The following PLA2G4A variants were observed in gnomAD, a reference collection of about 807,000 sequenced individuals.
PLA2G4A encodes phospholipase A2 group IVA.
PLA2G4A carries 40 observed loss-of-function variants against 81.9 expected under a neutral mutation model. That is an observed-to-expected ratio of 0.49 (90% CI 0.38 to 0.64). PLA2G4A has a LOEUF of 0.64. Ranked by LOEUF, PLA2G4A falls within the 30% of genes least tolerant of loss-of-function variation. The pLI is 0.00. For missense variants in PLA2G4A, 715 were observed against 905.1 expected, an observed-to-expected ratio of 0.79 and a Z score of 2.69; for synonymous variants, 302 against 296.9, an observed-to-expected ratio of 1.02 and a Z score of -0.18.
intron 7 of PLA2G4A, among the ~76,000 whole-genome samples, chr1:186,928,079 A>T (rs1002048334): frequency 1.1e-4 from 16 of 152,046 alleles, no homozygotes; most frequent in Non-Finnish European, 4.4e-5. Context: ...GTGGAGCTGA[A>T]TTTTTCTTAT....
intron 13 of PLA2G4A, among the ~76,000 whole-genome samples, chr1:186,953,731 T>C (rs1380935518): frequency 2.0e-5 from 3 of 152,192 alleles, no homozygotes; most frequent in Admixed American, 1.3e-4. Flanking sequence ...TTATGATTAA[T>C]AAGCAATAAG....
At chr1:186,969,256 T>G (rs2102282379) in intron 15 of PLA2G4A, among the ~76,000 whole-genome samples, 1 of 93,520 alleles carries the variant, frequency 1.1e-5, no homozygotes, top group East Asian at 3.2e-4. Flanking sequence ...CATATCAGTT[T>G]TTTAAATTTT....
At chr1:186,898,866 A>C (rs912190421) in intron 5 of PLA2G4A, among the ~76,000 whole-genome samples, 3 of 152,210 alleles carry the variant, frequency 2.0e-5, no homozygotes, top group Non-Finnish European at 4.4e-5. Flanking sequence ...TGGACAGTGC[A>C]GGCAATGTGT....
intron 17 of PLA2G4A, among the ~76,000 whole-genome samples, chr1:186,985,152 GT>G (rs1317615775): frequency 1.3e-5 from 2 of 152,078 alleles, no homozygotes; most frequent in Non-Finnish European, 2.9e-5. Context: ...CCCATCCTCA[GT>G]CTTTTCATAT....
At chr1:186,887,545 G>A (rs1653978678) in intron 3 of PLA2G4A, among the ~76,000 whole-genome samples, 1 of 152,072 alleles carries the variant, frequency 6.6e-6, no homozygotes, top group Admixed American at 6.6e-5. Flanking sequence ...TCAAGATTTA[G>A]ATAAAAGGAT....
chr1:186,857,157 A>ATTATT (rs1652599993), intron 2 of PLA2G4A, among the ~76,000 whole-genome samples: 1 of 57,680 alleles, frequency 1.7e-5, no homozygotes, highest in African/African-American at 8.5e-5. Flanking sequence ...ATAATTACAT[A>ATTATT]ATATAATATA....
At chr1:186,957,050 G>C (rs540658338) in intron 14 of PLA2G4A, among the ~76,000 whole-genome samples, 1 of 152,048 alleles carries the variant, frequency 6.6e-6, no homozygotes, top group East Asian at 1.9e-4. Context: ...TACTCAGGAG[G>C]CTGAAGCACA....
At chr1:186,840,528 C>A (rs1452667682) in intron 1 of PLA2G4A, among the ~76,000 whole-genome samples, 1 of 152,208 alleles carries the variant, frequency 6.6e-6, no homozygotes, top group African/African-American at 2.4e-5. Context: ...AGGTGTACAC[C>A]CTTCTGTGCT....
intron 3 of PLA2G4A, among the ~76,000 whole-genome samples, chr1:186,874,539 T>A (rs1365055594): frequency 2.0e-5 from 3 of 152,098 alleles, no homozygotes; most frequent in Non-Finnish European, 4.4e-5. Context: ...GTTTTAGAAC[T>A]ATCCTAATTA....
chr1:186,915,109 C>T (rs183970276), intron 7 of PLA2G4A, among the ~76,000 whole-genome samples: 26 of 152,130 alleles, frequency 1.7e-4, no homozygotes, highest in African/African-American at 6.0e-4. Flanking sequence ...CAAACATGGC[C>T]CCAGGATCAA....
At chr1:186,829,456 T>A (rs1651472492) in intron 1 of PLA2G4A, among the ~76,000 whole-genome samples, 1 of 152,206 alleles carries the variant, frequency 6.6e-6, no homozygotes, top group Non-Finnish European at 1.5e-5. Context: ...CTTTGTTGAC[T>A]CACTTAACTT....
At chr1:186,833,987 G>A (rs1651688760) in intron 1 of PLA2G4A, among the ~76,000 whole-genome samples, 1 of 152,106 alleles carries the variant, frequency 6.6e-6, no homozygotes, top group African/African-American at 2.4e-5. Flanking sequence ...TGAATCAACT[G>A]CTTCCTTTTC....
At chr1:186,918,365 C>G (rs1655223060) in intron 7 of PLA2G4A, among the ~76,000 whole-genome samples, 1 of 151,422 alleles carries the variant, frequency 6.6e-6, no homozygotes, top group Admixed American at 6.6e-5. Context: ...TTTAACAGGC[C>G]CTTTTCCTTA....
chr1:186,838,855 A>G (rs1360910466), intron 1 of PLA2G4A, among the ~76,000 whole-genome samples: 1 of 152,202 alleles, frequency 6.6e-6, no homozygotes, highest in Non-Finnish European at 1.5e-5. Context: ...TGATAATAAT[A>G]GACCATCCAA....
chr1:186,849,567 A>T lies in PLA2G4A; in HGVS notation c.-69-4719A>T, dbSNP rs1037962494. 2.7e-4 allele frequency among the ~76,000 whole-genome samples: 41 copies of T among 151,944 alleles called. 1 individual carries two copies. Among genetic ancestry groups the T allele is most frequent in the African/African-American group, 9.9e-4 (41 of 41,368 alleles). On this transcript the variant is annotated intron_variant, in intron 1 of 17. Coordinates refer to ENST00000367466, the MANE Select transcript of PLA2G4A (RefSeq NM_024420.3). ...TCATAAGCCACTTTCACGTTTGCTC[A>T]CCATTCGCCAGCCACTTGTCTTCTC... is the stretch of plus-strand genomic sequence containing the variant.
At chr1:186,845,406 C>G (rs1392194213) in intron 1 of PLA2G4A, among the ~76,000 whole-genome samples, 1 of 152,020 alleles carries the variant, frequency 6.6e-6, no homozygotes, top group African/African-American at 2.4e-5. Flanking sequence ...CTCCCACTGT[C>G]TCTGTGAGGA....
chr1:186,913,859 C>A (rs967050654), intron 7 of PLA2G4A, among the ~76,000 whole-genome samples: 2 of 152,108 alleles, frequency 1.3e-5, no homozygotes, highest in Non-Finnish European at 2.9e-5. Flanking sequence ...CAAATGATCA[C>A]CCCTGTCCCA....
In PLA2G4A at chr1:186,946,702, T is replaced by A; in HGVS notation, c.1099T>A (p.Leu367Ile). The A allele has an allele frequency of 6.2e-7, 1 of 1,611,952 alleles. No individual in the cohort carries two copies. The highest frequency in any genetic ancestry group is 2.2e-5 in the East Asian group (1 of 44,836). Residue 367 changes from leucine to isoleucine, a missense_variant, in exon 11 of 18, where the codon TTA (leucine) becomes ATA (isoleucine). By Grantham distance (5) the Leu-to-Ile change is conservative. Transcript: ENST00000367466. ...AKYGTFMAPD[L>I]FGSKFFMGTV... ...ATATGGTACTTTTATGGCTCCCGAC[T>A]TATTTGGAAGCAAATTTTTTATGGG...
At chr1:186,933,883 C>T (rs1378259053) in intron 8 of PLA2G4A, among the ~76,000 whole-genome samples, 1 of 152,164 alleles carries the variant, frequency 6.6e-6, no homozygotes, top group African/African-American at 2.4e-5. Flanking sequence ...TACTAAACCA[C>T]ACTCTTTTCT....
Sources: allele counts gnomAD v4.1 joint callset (sites outside exome capture counted in the v4.1 genomes callset), GRCh38; gene constraint gnomAD v4.1.1; transcripts MANE v1.5; gene names NCBI Gene and HGNC (gene_info 2026-07-23, HGNC 2026-07-21).